Variants in TNXB observed in about 807,000 individuals in gnomAD.
TNXB encodes tenascin XB.
A neutral mutation model predicts 340.5 loss-of-function variants in TNXB; 183 were observed. That is an observed-to-expected ratio of 0.54 (90% CI 0.48 to 0.61). The LOEUF is 0.61. TNXB is among the 20% of genes least tolerant of loss of function. TNXB has a pLI of 0.00. For missense variants in TNXB, 4,613 were observed against 5,446.4 expected (o/e 0.85, Z 4.82); for synonymous variants, 2,121 against 2,314.5 (o/e 0.92, Z 2.40).
At position 32,043,880 on chromosome 6, in the gene TNXB, C is replaced by G. The variant is rs971252129; in HGVS notation, c.11399G>C (p.Ser3800Thr). The G allele has an allele frequency of 4.3e-6, 7 of 1,613,628 alleles. No individual in the cohort carries two copies. The African/African-American group carries it at 8.0e-5, about 18-fold the overall frequency. The change falls in exon 35 of 44, where the codon AGT becomes ACT. Residue 3800 changes from serine (S) to threonine (T), a missense_variant. This residue lies in a region of TNXB where 114 missense variants were observed against 104.5 expected (regional missense o/e 1.09). Coordinates refer to ENST00000644971, the MANE Select transcript of TNXB (RefSeq NM_001365276.2). ...YQLADGGEPQ[S>T]VQVDGQARTQ... Reference sequence around the variant, plus strand: ...CCGGGCCTGGCCATCCACCTGCACACTCTGAGGCTCCCCTGAAAACATTGG... The same window carrying G: ...CCGGGCCTGGCCATCCACCTGCACAGTCTGAGGCTCCCCTGAAAACATTGG...
At position 32,070,548 on chromosome 6, in the gene TNXB, A is replaced by C; in HGVS notation, c.4991-134T>G. ...AATATTTCCATCACCTCCCATCCTC[A>C]CCACCATCTCCGTCTGGTCCATGCC... is the stretch of plus-strand genomic sequence containing the variant. On this transcript the variant is annotated intron_variant, in intron 13 of 43. Coordinates refer to ENST00000644971, the MANE Select transcript of TNXB (RefSeq NM_001365276.2). This position sits in a 1 kb window ranked among gnomAD's most constrained non-coding sequence, Gnocchi z 6.0. The C allele has an allele frequency of 1.0e-6, 1 of 989,224 alleles. No homozygotes were observed. Among genetic ancestry groups the C allele is most frequent in the Non-Finnish European group, 1.4e-6 (1 of 694,878 alleles). 61.3% of individuals were successfully genotyped at this position (989,224 alleles called of 1,614,324 possible). A position where few individuals can be genotyped will look rare whatever the true frequency, so the allele number is the denominator to read the frequency against.
intron 18 of TNXB, among the ~76,000 whole-genome samples, chr6:32,066,900 T>C (rs1262975697): frequency 3.3e-5 from 5 of 151,964 alleles, no homozygotes; most frequent in Non-Finnish European, 7.4e-5. Flanking sequence ...CTAAACCCTG[T>C]CTCTACAAAA....
Position 32,097,501 on chromosome 6 carries a change from T to C in TNXB, c.404-52A>G. The stretch of plus-strand genomic sequence containing the variant: ...TCAGTCTCTCTCCTGGGAGAGAGGC[T>C]GAGCCTATGTAGTGCTCCTATGTGC... On this transcript the variant is annotated intron_variant, in intron 2 of 43. Transcript: ENST00000644971. The surrounding 1 kb of genome is among the most constrained non-coding windows in gnomAD (Gnocchi z 5.9). 1.9e-6 allele frequency: 3 copies of C among 1,551,162 alleles called. No individual in the cohort carries two copies. The highest frequency in any genetic ancestry group is 2.6e-6 in the Non-Finnish European group (3 of 1,151,946).
In TNXB at chr6:32,069,882, G is replaced by T; in HGVS notation, c.5279-21C>A. 1 of 1,567,076 alleles carries T rather than the reference G, an allele frequency of 6.4e-7. No homozygotes were observed. Among genetic ancestry groups the T allele is most frequent in the Non-Finnish European group, 8.7e-7 (1 of 1,154,044 alleles). Reference sequence around the variant, plus strand: ...GGCTTCTGAGATGGAGACACGGAGAGGAAACGGCTGAGCTGTTTCTGGAAG... The same window carrying T: ...GGCTTCTGAGATGGAGACACGGAGATGAAACGGCTGAGCTGTTTCTGGAAG... On this transcript the variant is annotated intron_variant, in intron 14 of 43. Coordinates refer to ENST00000644971, the MANE Select transcript of TNXB (RefSeq NM_001365276.2). This position sits in a 1 kb window ranked among gnomAD's most constrained non-coding sequence, Gnocchi z 6.2.
chr6:32,069,070 C>T lies in TNXB; in HGVS notation c.5654G>A (p.Gly1885Glu), dbSNP rs1778589928. 6.2e-7 allele frequency: 1 copy of T among 1,612,784 alleles called. No homozygotes were observed. The highest frequency in any genetic ancestry group is 8.5e-7 in the Non-Finnish European group (1 of 1,179,856). ...CGTGGCCTCCTCCACTGTCAACTCC[C>T]CGAGGTGGGGCTCAGGCGCTGGAGG... is the stretch of plus-strand genomic sequence containing the variant. ...PTPPAPEPHLGELTVEEATSH... is the reference protein window; with the variant it reads ...PTPPAPEPHLEELTVEEATSH... Residue 1885 changes from glycine to glutamate, a missense_variant, in exon 16 of 44, where the codon GGG (glycine) becomes GAG (glutamate). Gly to Glu is a moderately conservative substitution (Grantham distance 98). Around this residue, in one of 7 missense-constraint regions of TNXB, gnomAD observed 4,327 missense variants for 4,859.4 expected, o/e 0.89. Coordinates refer to ENST00000644971, the MANE Select transcript of TNXB (RefSeq NM_001365276.2). The surrounding 1 kb of genome is among the most constrained non-coding windows in gnomAD (Gnocchi z 6.2).
At chr6:32,094,293 T>TG (rs1272901903) in intron 4 of TNXB, among the ~76,000 whole-genome samples, 1 of 150,342 alleles carries the variant, frequency 6.7e-6, no homozygotes, top group Non-Finnish European at 1.5e-5. Flanking sequence ...TATATTTAGG[T>TG]GAAAAAAAAA....
chr6:32,062,314 G>A lies in TNXB; in HGVS notation c.7011C>T (p.Tyr2337=). The A allele has an allele frequency of 6.2e-7, 1 of 1,613,526 alleles. No homozygotes were observed. The change falls in exon 20 of 44, where the codon TAC becomes TAT. Residue 2337 remains tyrosine, a synonymous_variant. Transcript: ENST00000644971. This position sits in a 1 kb window ranked among gnomAD's most constrained non-coding sequence, Gnocchi z 4.3. ...CCTTGGGCTGCCCATCCCCATTCTT[G>A]TACTGGACCAGGAAGTGGTCAAACT... The part of the protein sequence containing the change: ...EGQFDHFLVQ[Y]KNGDGQPKAT...
At position 32,087,944 on chromosome 6, in the gene TNXB, G is replaced by T. The variant is rs1308937443; in HGVS notation, c.2779+841C>A. On this transcript the variant is annotated intron_variant, in intron 6 of 43. Coordinates refer to ENST00000644971, the MANE Select transcript of TNXB (RefSeq NM_001365276.2). The surrounding 1 kb of genome is among the most constrained non-coding windows in gnomAD (Gnocchi z 9.0). ...GGGGCTGGCCGGGGCCGGGACTTGGGGGGCGGGGCTGGGGGGCGCACCTCC... is the reference window on the plus strand; with the variant it reads ...GGGGCTGGCCGGGGCCGGGACTTGGTGGGCGGGGCTGGGGGGCGCACCTCC... The T allele has an allele frequency of 5.7e-5, 18 of 313,668 alleles. No individual in the cohort carries two copies. The highest frequency in any genetic ancestry group is 1.1e-4 in the Non-Finnish European group (17 of 161,812). The allele number at this position is 313,668 out of a possible 1,614,324, so 19.4% of individuals were successfully genotyped here. A position where few individuals can be genotyped will look rare whatever the true frequency, so the allele number is the denominator to read the frequency against.
At chr6:32,065,185 A>AATTT in intron 18 of TNXB, 68 bp from the exon 19 acceptor site, 1 of 1,391,402 alleles carries the variant, frequency 7.2e-7, no homozygotes, top group African/African-American at 1.4e-5. Flanking sequence ...AGCTGTCTTG[A>AATTT]ATTCAGGTCA....
chr6:32,061,614 G>A lies in TNXB; in HGVS notation c.7275C>T (p.Asp2425=), dbSNP rs1402362695. ...GGACGGTCCAGGAGAGGCTCAGCGA[G>A]TCAGGGGAGGATCCTGTCACTGTTA... ...GELTVTGSSP[D]SLSLSWTVPQ... Residue 2425 remains aspartate (D), a synonymous_variant, in exon 21 of 44, where the codon GAC becomes GAT. Transcript: ENST00000644971. This position sits in a 1 kb window ranked among gnomAD's most constrained non-coding sequence, Gnocchi z 4.4. The A allele has an allele frequency of 1.9e-6, 3 of 1,612,888 alleles. No homozygotes were observed. The highest frequency in any genetic ancestry group is 2.2e-5 in the East Asian group (1 of 44,880).
Position 32,082,311 on chromosome 6 carries a change from G to A in TNXB, c.3461C>T (p.Pro1154Leu). 6.3e-7 allele frequency: 1 copy of A among 1,598,068 alleles called. No individual in the cohort carries two copies. Among genetic ancestry groups the A allele is most frequent in the Non-Finnish European group, 8.5e-7 (1 of 1,170,714 alleles). Residue 1154 changes from proline (P) to leucine (L), a missense_variant, in exon 9 of 44, where the codon CCA (proline) becomes CTA (leucine). By Grantham distance (98) the Pro-to-Leu change is moderately conservative (BLOSUM62 -3). Around this residue, in one of 7 missense-constraint regions of TNXB, gnomAD observed 4,327 missense variants for 4,859.4 expected, o/e 0.89. Coordinates refer to ENST00000644971, the MANE Select transcript of TNXB (RefSeq NM_001365276.2). This position sits in a 1 kb window ranked among gnomAD's most constrained non-coding sequence, Gnocchi z 5.0. ...CAGGTGGGGTGGAGTCCCTGGACTT[G>A]GGTCACTCTGAGGCACTAGGAAGAG... ...AEAKILPQSD[P>L]SPGTPPHLGN... is the part of the protein sequence containing the mutation.
rs1210759964 is a variant in TNXB at position 32,095,800 on chromosome 6, C to T, written c.2053G>A (p.Ala685Thr). Reference sequence around the variant, plus strand: ...CCGCAGCCTCCAGGGCAGGCGCTGGCTGGAGGCTCTTCCTGCCCGCAGTCC... The same window carrying T: ...CCGCAGCCTCCAGGGCAGGCGCTGGTTGGAGGCTCTTCCTGCCCGCAGTCC... ...GEDCGQEEPP[A>T]SACPGGCGPR... The change falls in exon 3 of 44, where the codon GCC (alanine) becomes ACC (threonine). Residue 685 changes from alanine to threonine, a missense_variant. Physicochemically the swap from Ala to Thr is moderately conservative, Grantham distance 58. Coordinates refer to ENST00000644971, the MANE Select transcript of TNXB (RefSeq NM_001365276.2). 1.9e-6 allele frequency: 3 copies of T among 1,613,022 alleles called. No individual in the cohort carries two copies. The highest frequency in any genetic ancestry group is 1.7e-6 in the Non-Finnish European group (2 of 1,179,534).
intron 19 of TNXB, among the ~76,000 whole-genome samples, chr6:32,063,450 G>A (rs1778151825): frequency 6.6e-6 from 1 of 151,882 alleles, no homozygotes; most frequent in Non-Finnish European, 1.5e-5. Context: ...AACACAACAG[G>A]CAAGTTGTAT....
Position 32,084,374 on chromosome 6 carries a change from G to A in TNXB, c.3445+39C>T. 6.5e-7 allele frequency: 1 copy of A among 1,538,512 alleles called. No individual in the cohort carries two copies. Among genetic ancestry groups the A allele is most frequent in the Non-Finnish European group, 8.8e-7 (1 of 1,137,412 alleles). On this transcript the variant is annotated intron_variant, in intron 8 of 43. Transcript: ENST00000644971. The surrounding 1 kb of genome is among the most constrained non-coding windows in gnomAD (Gnocchi z 5.5). The stretch of plus-strand genomic sequence containing the variant: ...CCAAAGCACTGAGAAAACCTCTTCA[G>A]GGCAGTACAGAGGGCAGGGTGTTAC...
chr6:32,085,708 C>T lies in TNXB; in HGVS notation c.3148+42G>A, dbSNP rs538746108. On this transcript the variant is annotated intron_variant, in intron 7 of 43. Transcript: ENST00000644971. This position sits in a 1 kb window ranked among gnomAD's most constrained non-coding sequence, Gnocchi z 6.4. ...AAGTCCCAATAACCCCAGCTCCTCC[C>T]CCAATCTCAGGATATTGATCTGAGC... The T allele has an allele frequency of 2.0e-6, 3 of 1,491,326 alleles. No individual in the cohort carries two copies. The highest frequency in any genetic ancestry group is 4.6e-5 in the East Asian group (2 of 43,656). The allele number at this position is 1,491,326 out of a possible 1,614,324, so 92.4% of individuals were successfully genotyped here.
At position 32,067,673 on chromosome 6, in the gene TNXB, C is replaced by T. The variant is rs1276614805; in HGVS notation, c.6532G>A (p.Val2178Met). 1 of 1,613,464 alleles carries T rather than the reference C, an allele frequency of 6.2e-7. No homozygotes were observed. Among genetic ancestry groups the T allele is most frequent in the Admixed American group, 1.7e-5 (1 of 60,010 alleles). The change falls in exon 18 of 44, where the codon GTG (valine) becomes ATG (methionine). Residue 2178 changes from valine (V) to methionine (M), a missense_variant. Physicochemically the swap from Val to Met is conservative, Grantham distance 21 (BLOSUM62 1). Around this residue, in one of 7 missense-constraint regions of TNXB, gnomAD observed 4,327 missense variants for 4,859.4 expected, o/e 0.89. Transcript: ENST00000644971. This position sits in a 1 kb window ranked among gnomAD's most constrained non-coding sequence, Gnocchi z 4.2. ...EGRRVGPVSA[V>M]GVTAPEEESP... Reference sequence around the variant, plus strand: ...AGTGCACACTCACCCGTGACGCCCACAGCAGACACTGGGCCCACGCGCCGC... The same window carrying T: ...AGTGCACACTCACCCGTGACGCCCATAGCAGACACTGGGCCCACGCGCCGC...
chr6:32,050,529 C>T (rs1777222608), intron 26 of TNXB, among the ~76,000 whole-genome samples: 1 of 151,298 alleles, frequency 6.6e-6, no homozygotes, highest in Admixed American at 6.6e-5. Flanking sequence ...CCCCACCTCC[C>T]AACACCCAGG....
chr6:32,048,497 T>C lies in TNXB; in HGVS notation c.9911A>G (p.Gln3304Arg), dbSNP rs1037970978. The C allele has an allele frequency of 1.9e-6, 3 of 1,602,226 alleles. No homozygotes were observed. Among genetic ancestry groups the C allele is most frequent in the Non-Finnish European group, 2.6e-6 (3 of 1,175,432 alleles). ...VQYRDAQGQP[Q>R]AVPVSGDLRA... ...GAGGTCTCCGCTCACAGGCACTGCC[T>C]GGGGCTGCCCCTGCGCGTCCCTGTA... Residue 3304 changes from glutamine to arginine, a missense_variant, in exon 29 of 44, where the codon CAG becomes CGG. Gln to Arg is a conservative substitution (Grantham distance 43, BLOSUM62 1). Around this residue, in one of 7 missense-constraint regions of TNXB, gnomAD observed 4,327 missense variants for 4,859.4 expected, o/e 0.89. Coordinates refer to ENST00000644971, the MANE Select transcript of TNXB (RefSeq NM_001365276.2).
At chr6:32,103,643 G>A (rs1368828709) in intron 1 of TNXB, among the ~76,000 whole-genome samples, 2 of 151,634 alleles carry the variant, frequency 1.3e-5, no homozygotes, top group Non-Finnish European at 2.9e-5. Context: ...AATGACTTCG[G>A]TGCCACAAAA....
Sources: gnomAD v4.1 joint callset for allele counts (sites outside exome capture counted in the v4.1 genomes callset) on GRCh38, gnomAD v4.1.1 for gene constraint, gnomAD v4.1.1 regional missense constraint, Gnocchi (gnomAD v3.1) non-coding constraint, MANE v1.5 for transcripts, NCBI Gene and HGNC (gene_info 2026-07-23, HGNC 2026-07-21) for gene names.